The following IFTAP variants were observed in gnomAD, a reference collection of about 807,000 sequenced individuals.
IFTAP encodes intraflagellar transport-associated protein.
In IFTAP, 19 loss-of-function variants were observed where a neutral mutation model predicts 19.4. The ratio of observed to expected loss-of-function variants is 0.98; its 90% CI spans 0.68 to 1.44. The LOEUF (loss-of-function observed/expected upper bound fraction) is 1.44. Ranked by LOEUF, IFTAP falls within the 40% of genes most tolerant of loss-of-function variation. The pLI is 0.00. For missense variants in IFTAP, 240 were observed against 253.6 expected, an observed-to-expected ratio of 0.95 and a Z score of 0.36; for synonymous variants, 85 against 83.5, an observed-to-expected ratio of 1.02 and a Z score of -0.10.
intron 1 of IFTAP, among the ~76,000 whole-genome samples, chr11:36,607,100 C>G (rs1372459157): frequency 6.6e-6 from 1 of 152,188 alleles, no homozygotes; most frequent in East Asian, 1.9e-4. Context: ...TCCTCTACAA[C>G]TCTATGCTTT....
At chr11:36,651,649 A>C (rs1395361098) in intron 5 of IFTAP, among the ~76,000 whole-genome samples, 1 of 152,078 alleles carries the variant, frequency 6.6e-6, no homozygotes, top group African/African-American at 2.4e-5. Context: ...CTGAATGGTA[A>C]TGCCTAGGTT....
chr11:36,613,986 T>C (rs577394687), intron 2 of IFTAP, among the ~76,000 whole-genome samples: 2 of 151,966 alleles, frequency 1.3e-5, no homozygotes, highest in East Asian at 3.9e-4. Context: ...GTTACATAGG[T>C]ATACATGTGC....
At chr11:36,646,271 G>A (rs1853477960) in intron 4 of IFTAP, among the ~76,000 whole-genome samples, 2 of 152,150 alleles carry the variant, frequency 1.3e-5, no homozygotes, top group African/African-American at 4.8e-5. Flanking sequence ...TGACGTTTGC[G>A]CTGTCAGCCA....
intron 5 of IFTAP, among the ~76,000 whole-genome samples, chr11:36,658,522 G>GT (rs1416285543): frequency 6.6e-6 from 1 of 152,124 alleles, no homozygotes; most frequent in African/African-American, 2.4e-5. Flanking sequence ...TTAGCCAAGA[G>GT]TTATAGGTAT....
chr11:36,607,102 CTA>C (rs760864892), intron 1 of IFTAP, among the ~76,000 whole-genome samples: 4 of 152,158 alleles, frequency 2.6e-5, no homozygotes, highest in Non-Finnish European at 4.4e-5. Flanking sequence ...CTCTACAACT[CTA>C]TGCTTTATCT....
chr11:36,622,972 G>A (rs1852362299), intron 2 of IFTAP, among the ~76,000 whole-genome samples: 1 of 152,116 alleles, frequency 6.6e-6, no homozygotes, highest in Non-Finnish European at 1.5e-5. Flanking sequence ...GTGGATGGAT[G>A]CAATACTATG....
chr11:36,633,601 A>G (rs1852813249), intron 3 of IFTAP, among the ~76,000 whole-genome samples, 163 bp downstream of exon 3: 1 of 152,162 alleles, frequency 6.6e-6, no homozygotes, highest in African/African-American at 2.4e-5. Flanking sequence ...TCATCATTAC[A>G]TATATTTCAT....
intron 4 of IFTAP, among the ~76,000 whole-genome samples, chr11:36,642,279 C>T (rs1401307729): frequency 6.6e-6 from 1 of 152,110 alleles, no homozygotes; most frequent in Non-Finnish European, 1.5e-5. Context: ...AATTCCTGGA[C>T]ACATACACCC....
intron 4 of IFTAP, among the ~76,000 whole-genome samples, chr11:36,645,012 A>G (rs1853421531): frequency 6.6e-6 from 1 of 151,664 alleles, no homozygotes. Context: ...AATAATAATA[A>G]TAATAAAGAA....
chr11:36,627,025 G>A (rs1220333916), intron 2 of IFTAP, among the ~76,000 whole-genome samples: 1 of 151,258 alleles, frequency 6.6e-6, no homozygotes, highest in Non-Finnish European at 1.5e-5. Context: ...AAGAAGGGAA[G>A]TGCATACTCC....
intron 4 of IFTAP, among the ~76,000 whole-genome samples, chr11:36,639,710 C>A (rs1853119081): frequency 6.6e-6 from 1 of 152,126 alleles, no homozygotes; most frequent in Admixed American, 6.5e-5. Flanking sequence ...GGCACCAAGC[C>A]GTTCCTGAGG....
chr11:36,594,588 CG>C lies in IFTAP; in HGVS notation c.-27del, dbSNP rs1851127725. On this transcript the variant is annotated 5_prime_UTR_variant, in exon 1 of 6. Transcript: ENST00000334307. ...AATGTGTCTGTGAATAAAGACTAGC[CG>C]AAGGTGCGAAGTGACTAGACGGGAG... 1 of 194,762 alleles carries C rather than the reference CG, an allele frequency of 5.1e-6. No homozygotes were observed. Among genetic ancestry groups the C allele is most frequent in the East Asian group, 1.3e-4 (1 of 7,708 alleles). The allele number at this position is 194,762 out of a possible 1,614,324, so 12.1% of individuals were successfully genotyped here.
intron 5 of IFTAP, among the ~76,000 whole-genome samples, chr11:36,653,187 T>C (rs1272876245): frequency 6.6e-6 from 1 of 152,190 alleles, no homozygotes; most frequent in Non-Finnish European, 1.5e-5. Context: ...GCATTAGTTC[T>C]ATTTTCTTTA....
rs576003033 is a variant in IFTAP, at chr11:36,644,782, T to C, written c.359-3234T>C. On this transcript the variant is annotated intron_variant, in intron 4 of 5. Coordinates refer to ENST00000334307, the MANE Select transcript of IFTAP (RefSeq NM_138787.4). ...ACCAAACACTGAATGTTCTCACTCA[T>C]AGGTGGGAATTGAACAATGAGAACA... 1.2e-4 allele frequency among the ~76,000 whole-genome samples: 16 copies of C among 137,790 alleles called. No individual in the cohort carries two copies. In the South Asian group the frequency reaches 1.4e-3, roughly 12 times the overall value. 90.4% of individuals were successfully genotyped at this position (137,790 alleles called of 152,430 possible). A position where few individuals can be genotyped will look rare whatever the true frequency, so the allele number is the denominator to read the frequency against.
chr11:36,652,278 A>T (rs769528679), intron 5 of IFTAP, among the ~76,000 whole-genome samples: 3 of 152,092 alleles, frequency 2.0e-5, no homozygotes, highest in Non-Finnish European at 4.4e-5. Flanking sequence ...GTCCCTTGTA[A>T]GTTGGATTCC....
chr11:36,656,325 T>A (rs914177668), intron 5 of IFTAP, among the ~76,000 whole-genome samples: 8 of 152,160 alleles, frequency 5.3e-5, no homozygotes, highest in Non-Finnish European at 1.2e-4. Flanking sequence ...ATCCCAGCAC[T>A]CTGGGAGGCT....
intron 2 of IFTAP, among the ~76,000 whole-genome samples, chr11:36,629,306 T>G (rs1389867504): frequency 6.6e-6 from 1 of 151,442 alleles, no homozygotes; most frequent in East Asian, 1.9e-4. Context: ...AGAAGGATTT[T>G]TGCAATTGCC....
At chr11:36,610,932 C>T (rs1396066526) in intron 2 of IFTAP, among the ~76,000 whole-genome samples, 2 of 152,098 alleles carry the variant, frequency 1.3e-5, no homozygotes, top group Non-Finnish European at 2.9e-5. Flanking sequence ...TTGTTTCCCT[C>T]ATCCAGTGTT....
At chr11:36,620,622 G>GT (rs1852255755) in intron 2 of IFTAP, among the ~76,000 whole-genome samples, 1 of 151,860 alleles carries the variant, frequency 6.6e-6, no homozygotes, top group South Asian at 2.1e-4. Flanking sequence ...ATAATCATTT[G>GT]TTTTTTGTGA....
Sources: gnomAD v4.1 joint callset for allele counts (sites outside exome capture counted in the v4.1 genomes callset) on GRCh38, gnomAD v4.1.1 for gene constraint, MANE v1.5 for transcripts, NCBI Gene and HGNC (gene_info 2026-07-23, HGNC 2026-07-21) for gene names.